The following NLGN1 variants were observed in gnomAD, a reference collection of about 807,000 sequenced individuals.
NLGN1 encodes the protein neuroligin 1, also known as neuroligin-1.
In NLGN1, 12 loss-of-function variants were observed where a neutral mutation model predicts 65.5. That is an observed-to-expected ratio of 0.18 (90% CI 0.12 to 0.30). NLGN1 has a LOEUF of 0.30. NLGN1 is among the 10% of genes least tolerant of loss of function. The probability of loss-of-function intolerance (pLI) is 1.00; values close to 1 mark genes in which losing one functional copy is unlikely to be tolerated. For missense variants in NLGN1, 750 were observed against 1,007.1 expected (o/e 0.74, Z 3.46); for synonymous variants, 350 against 359.5 (o/e 0.97, Z 0.30).
intron 4 of NLGN1, among the ~76,000 whole-genome samples, chr3:174,138,591 C>T (rs1041768750): frequency 6.6e-6 from 1 of 151,950 alleles, no homozygotes; most frequent in African/African-American, 2.4e-5. Context: ...CCCGCCACCA[C>T]GCCCGGCTAA....
At chr3:174,277,273 AT>A (rs903876061) in intron 5 of NLGN1, among the ~76,000 whole-genome samples, 1 of 151,874 alleles carries the variant, frequency 6.6e-6, no homozygotes, top group Admixed American at 6.6e-5. Flanking sequence ...AAGGCAATAA[AT>A]CCCACAATGC....
At chr3:174,159,653 G>T (rs1726129878) in intron 4 of NLGN1, among the ~76,000 whole-genome samples, 1 of 151,684 alleles carries the variant, frequency 6.6e-6, no homozygotes, top group African/African-American at 2.4e-5. Flanking sequence ...GAGACAAGCA[G>T]CAAGGGACAA....
At chr3:173,651,456 C>A (rs1353212369) in intron 3 of NLGN1, among the ~76,000 whole-genome samples, 1 of 151,950 alleles carries the variant, frequency 6.6e-6, no homozygotes, top group Non-Finnish European at 1.5e-5. Flanking sequence ...ATAATGATTT[C>A]TTTTCCACTG....
chr3:173,891,793 T>C (rs916664467), intron 4 of NLGN1, among the ~76,000 whole-genome samples: 1 of 152,198 alleles, frequency 6.6e-6, no homozygotes, highest in African/African-American at 2.4e-5. Flanking sequence ...AGAAACCTAA[T>C]GATACAAGAA....
chr3:173,925,422 ACT>A, intron 4 of NLGN1, among the ~76,000 whole-genome samples: 1 of 152,200 alleles, frequency 6.6e-6, no homozygotes, highest in African/African-American at 2.4e-5. Context: ...AGAATATACC[ACT>A]GCAGCTGCTG....
chr3:174,177,384 TAC>T (rs1327959668), intron 4 of NLGN1, among the ~76,000 whole-genome samples: 1 of 152,098 alleles, frequency 6.6e-6, no homozygotes, highest in Non-Finnish European at 1.5e-5. Context: ...TTGTAATATT[TAC>T]TTAAATGTTT....
chr3:174,091,563 A>T (rs1239838975), intron 4 of NLGN1, among the ~76,000 whole-genome samples: 2 of 152,240 alleles, frequency 1.3e-5, no homozygotes, highest in South Asian at 2.1e-4. Context: ...CGAAGAGGTC[A>T]TGCTGCAGCT....
intron 4 of NLGN1, chr3:173,910,886 C>T (rs968717270): frequency 6.6e-6 from 1 of 151,936 alleles, no homozygotes; most frequent in African/African-American, 2.4e-5. Context: ...CAGAGGGTAT[C>T]GGAAAGTAAA....
intron 2 of NLGN1, among the ~76,000 whole-genome samples, chr3:173,559,510 C>T (rs1273952116): frequency 6.6e-6 from 1 of 152,146 alleles, no homozygotes; most frequent in East Asian, 1.9e-4. Flanking sequence ...CTTTCTAGCA[C>T]CCACCATGCT....
At chr3:173,996,855 G>A (rs1188614886) in intron 4 of NLGN1, among the ~76,000 whole-genome samples, 1 of 152,030 alleles carries the variant, frequency 6.6e-6, no homozygotes, top group Non-Finnish European at 1.5e-5. Flanking sequence ...AGGTGGTTGG[G>A]GAACACCATA....
chr3:173,949,964 C>A (rs1747888757), intron 4 of NLGN1, among the ~76,000 whole-genome samples: 2 of 152,064 alleles, frequency 1.3e-5, no homozygotes, highest in South Asian at 4.1e-4. Flanking sequence ...TAACTGTTAG[C>A]AATAGATATA....
intron 4 of NLGN1, among the ~76,000 whole-genome samples, chr3:174,063,426 A>G (rs867274418): frequency 3.9e-4 from 60 of 152,186 alleles, no homozygotes; most frequent in Admixed American, 1.3e-3. Context: ...AGAGCACTGG[A>G]AATTATCAAT....
chr3:173,894,884 G>A (rs923573441), intron 4 of NLGN1, among the ~76,000 whole-genome samples: 6 of 146,564 alleles, frequency 4.1e-5, no homozygotes, highest in African/African-American at 7.6e-5. Flanking sequence ...TGATCCACCC[G>A]CCTCGGCCTC....
chr3:173,476,077 C>T (rs558103003), intron 2 of NLGN1, among the ~76,000 whole-genome samples: 1 of 152,178 alleles, frequency 6.6e-6, no homozygotes, highest in East Asian at 1.9e-4. Context: ...TAGAGTAAGA[C>T]AAGCTGGAGA....
intron 4 of NLGN1, among the ~76,000 whole-genome samples, chr3:173,818,567 C>T (rs1719505161): frequency 6.6e-6 from 1 of 152,124 alleles, no homozygotes; most frequent in African/African-American, 2.4e-5. Flanking sequence ...AGTTCTCTAT[C>T]TGAATTAAAT....
intron 4 of NLGN1, among the ~76,000 whole-genome samples, chr3:174,268,190 A>T (rs1748648681): frequency 6.6e-6 from 1 of 152,222 alleles, no homozygotes. Context: ...GAAGAATATG[A>T]TTTCCTTTGA....
chr3:173,509,875 A>G (rs978144010), intron 2 of NLGN1, among the ~76,000 whole-genome samples: 2 of 152,184 alleles, frequency 1.3e-5, no homozygotes, highest in African/African-American at 4.8e-5. Context: ...GATTGTTTTG[A>G]TATCTTTTGC....
chr3:173,507,984 G>C (rs1732305768), intron 2 of NLGN1, among the ~76,000 whole-genome samples: 1 of 152,156 alleles, frequency 6.6e-6, no homozygotes. Context: ...CATTAATTGA[G>C]AGGTACATAT....
intron 4 of NLGN1, among the ~76,000 whole-genome samples, chr3:174,032,599 A>T (rs532880874): frequency 7.9e-5 from 12 of 152,280 alleles, no homozygotes; most frequent in African/African-American, 2.9e-4. Flanking sequence ...TGAGAGTGAG[A>T]AAATTCTAGG....
Sources: allele counts gnomAD v4.1 joint callset (sites outside exome capture counted in the v4.1 genomes callset), GRCh38; gene constraint gnomAD v4.1.1; transcripts MANE v1.5; gene names NCBI Gene and HGNC (gene_info 2026-07-23, HGNC 2026-07-21).